Variants in CDH13 observed in about 807,000 individuals in gnomAD.
The protein encoded by CDH13 is cadherin-13.
Under a neutral mutation model 63.8 loss-of-function variants are expected in CDH13, and 24 were observed. The observed-to-expected ratio is 0.38, with a 90% CI of 0.27 to 0.53. CDH13 has a LOEUF of 0.53. CDH13 is among the 20% of genes least tolerant of loss of function. The probability of loss-of-function intolerance (pLI) is 0.85; values close to 1 mark genes in which losing one functional copy is unlikely to be tolerated. For synonymous variants in CDH13, 503 were observed against 355.3 expected (o/e 1.42, Z -4.67); for missense variants, 1,049 against 903.1 (o/e 1.16, Z -2.07).
At chr16:82,658,964 C>G (rs927244880) in intron 1 of CDH13, among the ~76,000 whole-genome samples, 6 of 152,172 alleles carry the variant, frequency 3.9e-5, no homozygotes, top group Admixed American at 6.5e-5. Context: ...AGCATAGTTC[C>G]TAAAGCTGAC....
intron 2 of CDH13, among the ~76,000 whole-genome samples, chr16:82,861,229 A>G (rs1456728483): frequency 1.3e-5 from 2 of 152,236 alleles, no homozygotes; most frequent in Admixed American, 6.5e-5. Flanking sequence ...CTAGATTAGT[A>G]GCATCATCTT....
intron 3 of CDH13, among the ~76,000 whole-genome samples, chr16:83,046,674 TGAGGGCTACTCA>T (rs1917812670): frequency 6.6e-6 from 1 of 152,154 alleles, no homozygotes; most frequent in African/African-American, 2.4e-5. Flanking sequence ...TACAGATATT[TGAGGGCTACTCA>T]GAGGCAAAAG....
chr16:83,751,057 C>G (rs894476825), intron 11 of CDH13, among the ~76,000 whole-genome samples: 2 of 151,408 alleles, frequency 1.3e-5, no homozygotes, highest in African/African-American at 2.4e-5. Flanking sequence ...TTAGTGGAAG[C>G]TAGCATGGCA....
At chr16:83,177,790 A>G (rs1475239758) in intron 4 of CDH13, among the ~76,000 whole-genome samples, 2 of 152,210 alleles carry the variant, frequency 1.3e-5, no homozygotes, top group East Asian at 3.9e-4. Context: ...AACCAAATTG[A>G]GTTCCCCTTA....
intron 8 of CDH13, among the ~76,000 whole-genome samples, chr16:83,666,479 G>T (rs905472023): frequency 1.3e-5 from 2 of 151,928 alleles, no homozygotes; most frequent in African/African-American, 4.8e-5. Context: ...AGATTTAAAC[G>T]TAACCCAGTT....
intron 2 of CDH13, among the ~76,000 whole-genome samples, chr16:82,886,576 A>C (rs923130509): frequency 8.3e-6 from 1 of 120,318 alleles, no homozygotes; most frequent in Non-Finnish European, 1.8e-5. Flanking sequence ...TTTTTTTTAC[A>C]TGTGGAGCTT....
intron 5 of CDH13, among the ~76,000 whole-genome samples, chr16:83,313,025 T>TG (rs2090033832): frequency 6.6e-6 from 1 of 152,186 alleles, no homozygotes; most frequent in Admixed American, 6.5e-5. Context: ...TACAAGTGCA[T>TG]GGGGAATCAG....
chr16:83,231,984 A>C (rs4782757), intron 5 of CDH13, among the ~76,000 whole-genome samples: 2 of 152,032 alleles, frequency 1.3e-5, no homozygotes, highest in African/African-American at 4.8e-5. Flanking sequence ...ACCAAATACC[A>C]CATGTTCTAA....
chr16:82,813,632 C>G (rs920800496), intron 1 of CDH13, among the ~76,000 whole-genome samples: 4 of 152,038 alleles, frequency 2.6e-5, no homozygotes, highest in Non-Finnish European at 4.4e-5. Flanking sequence ...CTATACAGAC[C>G]CCAGATTGCT....
chr16:82,652,677 A>G (rs1248335464), intron 1 of CDH13, among the ~76,000 whole-genome samples: 1 of 151,234 alleles, frequency 6.6e-6, no homozygotes, highest in African/African-American at 2.4e-5. Context: ...CTGTCAAACC[A>G]ACTTAACTGG....
intron 1 of CDH13, among the ~76,000 whole-genome samples, chr16:82,739,130 A>G (rs948073946): frequency 6.6e-6 from 1 of 152,210 alleles, no homozygotes. Flanking sequence ...TTCTTTAGTT[A>G]GAATTGCATA....
intron 4 of CDH13, among the ~76,000 whole-genome samples, chr16:83,131,028 T>C (rs1208439323): frequency 6.6e-6 from 1 of 152,218 alleles, no homozygotes; most frequent in Non-Finnish European, 1.5e-5. Context: ...ATAATTTATC[T>C]GTCTGCCAAG....
chr16:82,928,012 T>A (rs1435982932), intron 2 of CDH13, among the ~76,000 whole-genome samples: 2 of 152,220 alleles, frequency 1.3e-5, no homozygotes, highest in Non-Finnish European at 2.9e-5. Flanking sequence ...GTTTTTGCTG[T>A]GTATCTCTCA....
intron 1 of CDH13, among the ~76,000 whole-genome samples, chr16:82,770,806 C>G (rs568109535): frequency 5.9e-5 from 9 of 152,128 alleles, no homozygotes; most frequent in Non-Finnish European, 8.8e-5. Flanking sequence ...CTCCCAAGTT[C>G]AAGCAATTCG....
At chr16:83,666,696 C>T (rs938246347) in intron 8 of CDH13, among the ~76,000 whole-genome samples, 6 of 152,284 alleles carry the variant, frequency 3.9e-5, no homozygotes, top group Middle Eastern at 3.4e-3. Context: ...CTTTGCTCTT[C>T]CTCTTTCAGA....
At chr16:83,612,203 A>C (rs568615717) in intron 8 of CDH13, among the ~76,000 whole-genome samples, 4 of 152,196 alleles carry the variant, frequency 2.6e-5, no homozygotes, top group Admixed American at 2.0e-4. Context: ...AGATGTATAC[A>C]AATTTAAAAT....
chr16:83,405,797 G>A (rs1003712053), intron 6 of CDH13, among the ~76,000 whole-genome samples: 2 of 152,160 alleles, frequency 1.3e-5, no homozygotes, highest in African/African-American at 4.8e-5. Context: ...AGGTTTACAA[G>A]CACCTTGGAG....
chr16:83,231,480 A>G (rs766977873), intron 5 of CDH13, among the ~76,000 whole-genome samples: 1 of 152,158 alleles, frequency 6.6e-6, no homozygotes, highest in African/African-American at 2.4e-5. Flanking sequence ...CCTTTGAGGT[A>G]GTGAGTCCCC....
chr16:83,340,746 T>A (rs1202097076), intron 5 of CDH13, among the ~76,000 whole-genome samples: 1 of 152,144 alleles, frequency 6.6e-6, no homozygotes, highest in East Asian at 1.9e-4. Context: ...AGCACAGACA[T>A]TGGTCAGATG....
Sources: gnomAD v4.1 joint callset for allele counts (sites outside exome capture counted in the v4.1 genomes callset) on GRCh38, gnomAD v4.1.1 for gene constraint, MANE v1.5 for transcripts, NCBI Gene and HGNC (gene_info 2026-07-23, HGNC 2026-07-21) for gene names.